MOGAT1: variants seen among roughly 807,000 people sequenced by gnomAD.
The protein encoded by MOGAT1 is monoacylglycerol O-acyltransferase 1.
In MOGAT1, 32 loss-of-function variants were observed where a neutral mutation model predicts 31.4. The ratio of observed to expected loss-of-function variants is 1.02; its 90% confidence interval spans 0.77 to 1.37. The LOEUF (loss-of-function observed/expected upper bound fraction) is 1.37. MOGAT1 is among the 40% of genes most tolerant of loss of function. MOGAT1 has a pLI of 0.00. For missense variants in MOGAT1, 426 were observed against 402.0 expected (o/e 1.06, Z -0.51); for synonymous variants, 145 against 144.5 (o/e 1.00, Z -0.03).
intron 5 of MOGAT1, among the ~76,000 whole-genome samples, chr2:222,695,808 T>C (rs1020422728): frequency 7.2e-5 from 11 of 152,162 alleles, no homozygotes; most frequent in Admixed American, 2.6e-4. Flanking sequence ...AGGTGGTGTT[T>C]GGTCACATGA....
intron 5 of MOGAT1, among the ~76,000 whole-genome samples, chr2:222,704,414 G>A (rs1212704269): frequency 6.6e-6 from 1 of 152,044 alleles, no homozygotes; most frequent in Non-Finnish European, 1.5e-5. Context: ...CACGAGGTCA[G>A]GAGATCGAGA....
At chr2:222,679,404 A>G (rs1692547177) in intron 1 of MOGAT1, among the ~76,000 whole-genome samples, 1 of 152,222 alleles carries the variant, frequency 6.6e-6, no homozygotes, top group Non-Finnish European at 1.5e-5. Flanking sequence ...TATGCATTTT[A>G]GGATCAGGTT....
intron 5 of MOGAT1, among the ~76,000 whole-genome samples, chr2:222,700,623 T>C (rs921722949): frequency 2.0e-5 from 3 of 152,230 alleles, no homozygotes; most frequent in Admixed American, 1.3e-4. Context: ...GAGTCCATAA[T>C]GTAGAGCATC....
chr2:222,684,075 T>C lies in MOGAT1; in HGVS notation c.95-4269T>C, dbSNP rs114233589. ...AGAGGTTATCTAGTCACCTAGTTTT[T>C]ATAGTGTTTTCTTGTTTCAATCCCG... On this transcript the variant is annotated intron_variant, in intron 1 of 5. Transcript: ENST00000446656. Among the ~76,000 whole-genome samples the C allele has an allele frequency of 6.3e-3, 960 of 152,300 alleles. 5 individuals carry two copies. Among genetic ancestry groups the C allele is most frequent in the Admixed American group, 0.011 (173 of 15,306 alleles).
chr2:222,676,911 C>T (rs1345458439), intron 1 of MOGAT1, among the ~76,000 whole-genome samples: 1 of 152,198 alleles, frequency 6.6e-6, no homozygotes, highest in African/African-American at 2.4e-5. Flanking sequence ...AAATCAGGAA[C>T]ATGCTTTTGA....
rs574068934 is a variant in MOGAT1, at chr2:222,687,645, G to A, written c.95-699G>A. ...ATGTTATTAGGTGCATAAACAATTA[G>A]GATTGCTCTCTCATTATCACATGTT... On this transcript the variant is annotated intron_variant, in intron 1 of 5. Transcript: ENST00000446656. Among the ~76,000 whole-genome samples, 6 of 152,250 alleles carry A rather than the reference G, an allele frequency of 3.9e-5. No homozygotes were observed. The East Asian group carries it at 1.2e-3, about 29-fold the overall frequency.
chr2:222,689,518 G>A (rs1692727385), intron 3 of MOGAT1, 49 bp downstream of exon 3: 23 of 1,545,442 alleles, frequency 1.5e-5, no homozygotes, highest in East Asian at 4.5e-5. Context: ...GGTAGCAGGA[G>A]CACACAGAAC....
At chr2:222,688,266 T>C in intron 1 of MOGAT1, 78 bp from the exon 2 acceptor site, 1 of 1,134,536 alleles carries the variant, frequency 8.8e-7, no homozygotes, top group Admixed American at 2.8e-5. Context: ...CTTATATGTA[T>C]TAATCCCCCT....
intron 5 of MOGAT1, chr2:222,698,583 T>C (rs1254610222): frequency 6.6e-6 from 1 of 152,256 alleles, no homozygotes; most frequent in Non-Finnish European, 1.5e-5. Context: ...CTGGCCTCAC[T>C]TTCCTACTCT....
chr2:222,705,431 T>C (rs1454671295), intron 5 of MOGAT1, among the ~76,000 whole-genome samples: 2 of 152,156 alleles, frequency 1.3e-5, no homozygotes, highest in Non-Finnish European at 2.9e-5. Flanking sequence ...AGGGCTAGGA[T>C]TTGAAGCAAG....
chr2:222,673,620 T>G (rs1692455653), intron 1 of MOGAT1, among the ~76,000 whole-genome samples: 1 of 152,150 alleles, frequency 6.6e-6, no homozygotes, highest in Non-Finnish European at 1.5e-5. Flanking sequence ...GTGGTAGAGC[T>G]GGTTTCAAAC....
At chr2:222,691,571 A>G (rs1427205169) in intron 3 of MOGAT1, among the ~76,000 whole-genome samples, 1 of 152,218 alleles carries the variant, frequency 6.6e-6, no homozygotes, top group East Asian at 1.9e-4. Flanking sequence ...CTTAAAAGGT[A>G]AATAGAAATA....
rs751963852 is a variant in MOGAT1 at position 222,694,477 on chromosome 2, A to G, written c.594A>G (p.Gly198=). The part of the protein sequence containing the change: ...GAKESLDAHP[G]KFTLFIRQRK... ...AAGAATCACTGGATGCTCATCCTGG[A>G]AAGTTCACTCTGTTCATCCGCCAGC... Residue 198 remains glycine, a synonymous_variant, in exon 4 of 6, where the codon GGA becomes GGG. Transcript: ENST00000446656. 2 of 1,613,942 alleles carry G rather than the reference A, an allele frequency of 1.2e-6. No homozygotes were observed. The highest frequency in any genetic ancestry group is 1.7e-6 in the Non-Finnish European group (2 of 1,179,846).
intron 3 of MOGAT1, among the ~76,000 whole-genome samples, chr2:222,689,799 A>T (rs528103021): frequency 6.6e-6 from 1 of 152,354 alleles, no homozygotes; most frequent in South Asian, 2.1e-4. Flanking sequence ...GAAATCAGGG[A>T]TCAAGTAAGT....
intron 5 of MOGAT1, among the ~76,000 whole-genome samples, chr2:222,695,674 T>C (rs528195355): frequency 6.6e-6 from 1 of 152,362 alleles, no homozygotes; most frequent in South Asian, 2.1e-4. Flanking sequence ...CTCATTATGT[T>C]CAGTTCACAT....
At chr2:222,683,729 A>C (rs1178111053) in intron 1 of MOGAT1, among the ~76,000 whole-genome samples, 1 of 152,150 alleles carries the variant, frequency 6.6e-6, no homozygotes. Flanking sequence ...TCCGTTTCAA[A>C]AAAAAAAGTG....
intron 3 of MOGAT1, among the ~76,000 whole-genome samples, chr2:222,691,209 A>ATT (rs1429957428): frequency 7.2e-6 from 1 of 138,728 alleles, no homozygotes; most frequent in Non-Finnish European, 1.5e-5. Context: ...ATTTTATTTT[A>ATT]TTTTATTTTT....
At chr2:222,693,637 G>A (rs115651608) in intron 3 of MOGAT1, among the ~76,000 whole-genome samples, 2,396 of 152,054 alleles carry the variant, frequency 0.016, 66 homozygotes, top group African/African-American at 0.055. Flanking sequence ...CGGCAGGCAA[G>A]GAGAGAGCTT....
rs1227455895 is a variant in MOGAT1, at chr2:222,687,129, AAAAAAAAAAAGAAAGAAC to A, written c.95-1212_95-1195del. Among the ~76,000 whole-genome samples, 3 of 122,250 alleles carry A rather than the reference AAAAAAAAAAAGAAAGAAC, an allele frequency of 2.5e-5. 1 individual carries two copies. The highest frequency in any genetic ancestry group is 1.2e-4 in the African/African-American group (3 of 25,864). The allele number at this position is 122,250 out of a possible 152,430, so 80.2% of individuals were successfully genotyped here. On this transcript the variant is annotated intron_variant, in intron 1 of 5. Coordinates refer to ENST00000446656, the MANE Select transcript of MOGAT1 (RefSeq NM_058165.3). ...ACTCCATCTCAAAAAAAAAAAAAAA[AAAAAAAAAAAGAAAGAAC>A]AAGAAAGAAAGAAAAAATATATATA...
Sources: allele counts gnomAD v4.1 joint callset (sites outside exome capture counted in the v4.1 genomes callset), GRCh38; gene constraint gnomAD v4.1.1; transcripts MANE v1.5; gene names NCBI Gene and HGNC (gene_info 2026-07-23, HGNC 2026-07-21).